Variants in KCNQ5 observed in about 807,000 individuals in gnomAD.
KCNQ5 encodes the protein potassium voltage-gated channel subfamily KQT member 5.
Under a neutral mutation model 98.2 loss-of-function variants are expected in KCNQ5, and 30 were observed. The ratio of observed to expected loss-of-function variants is 0.31; its 90% confidence interval spans 0.23 to 0.41. KCNQ5 has a LOEUF of 0.41. Among genes scored for constraint, KCNQ5 ranks in the 10% least tolerant of loss-of-function variants. The probability of loss-of-function intolerance (pLI) is 1.00; values close to 1 mark genes in which losing one functional copy is unlikely to be tolerated. For synonymous variants in KCNQ5, 458 were observed against 449.4 expected, an observed-to-expected ratio of 1.02 and a Z score of -0.24; for missense variants, 835 against 1,182.5, an observed-to-expected ratio of 0.71 and a Z score of 4.31.
At chr6:72,751,420 G>A (rs1393299029) in intron 1 of KCNQ5, among the ~76,000 whole-genome samples, 5 of 151,862 alleles carry the variant, frequency 3.3e-5, no homozygotes, top group African/African-American at 9.7e-5. Context: ...TTTAGATCAC[G>A]AGGGACCAAG....
At chr6:72,759,042 T>C (rs1399482745) in intron 1 of KCNQ5, among the ~76,000 whole-genome samples, 1 of 152,174 alleles carries the variant, frequency 6.6e-6, no homozygotes, top group East Asian at 1.9e-4. Context: ...TTTTGAGAAC[T>C]TTCTACTGGA....
chr6:73,193,328 C>T lies in KCNQ5; in HGVS notation c.1836+637C>T, dbSNP rs560256980. Among the ~76,000 whole-genome samples, 45 of 151,792 alleles carry T rather than the reference C, an allele frequency of 3.0e-4. 1 individual carries two copies. The South Asian group carries it at 8.8e-3, about 30-fold the overall frequency. ...AGCCATAGCACTCTGCAGGTCACTCCTTTTAAAAGTAAAACAAGGCCGGGT... is the reference window on the plus strand; with the variant it reads ...AGCCATAGCACTCTGCAGGTCACTCTTTTTAAAAGTAAAACAAGGCCGGGT... On this transcript the variant is annotated intron_variant, in intron 13 of 13. Transcript: ENST00000370398.
At chr6:72,894,175 A>T (rs1416916627) in intron 1 of KCNQ5, among the ~76,000 whole-genome samples, 2 of 152,184 alleles carry the variant, frequency 1.3e-5, no homozygotes, top group African/African-American at 4.8e-5. Context: ...ATTGACTCAA[A>T]TGAGTCAAAG....
At chr6:73,015,315 AC>A (rs1404864899) in intron 2 of KCNQ5, among the ~76,000 whole-genome samples, 1 of 152,040 alleles carries the variant, frequency 6.6e-6, no homozygotes, top group Non-Finnish European at 1.5e-5. Context: ...GAGACTAACG[AC>A]CCTCATCAAT....
At chr6:72,936,286 C>G (rs1765912880) in intron 1 of KCNQ5, among the ~76,000 whole-genome samples, 1 of 152,194 alleles carries the variant, frequency 6.6e-6, no homozygotes, top group African/African-American at 2.4e-5. Context: ...ATGTCACTAT[C>G]AGAAATTTTT....
At chr6:73,049,578 G>A (rs935515893) in intron 3 of KCNQ5, among the ~76,000 whole-genome samples, 5 of 152,076 alleles carry the variant, frequency 3.3e-5, no homozygotes, top group Non-Finnish European at 4.4e-5. Flanking sequence ...AGTATAATCC[G>A]TTTAATCTAC....
intron 3 of KCNQ5, among the ~76,000 whole-genome samples, chr6:73,063,709 TAGATAGATAGATGATA>T (rs1772912537): frequency 8.2e-5 from 10 of 122,052 alleles, no homozygotes; most frequent in Admixed American, 2.4e-4. Flanking sequence ...GATAGATAGA[TAGATAGATAGATGATA>T]GATAGATAGA....
At chr6:73,001,763 T>C (rs571591277) in intron 1 of KCNQ5, among the ~76,000 whole-genome samples, 6 of 152,202 alleles carry the variant, frequency 3.9e-5, no homozygotes, top group Non-Finnish European at 7.3e-5. Flanking sequence ...GTGCACTGGA[T>C]TTTGACCACT....
intron 3 of KCNQ5, among the ~76,000 whole-genome samples, chr6:73,066,512 A>G (rs1773065230): frequency 1.3e-5 from 2 of 152,252 alleles, no homozygotes; most frequent in African/African-American, 2.4e-5. Context: ...GAATGAACTA[A>G]TGAATGAATA....
intron 5 of KCNQ5, among the ~76,000 whole-genome samples, chr6:73,096,567 C>A (rs1293629941): frequency 6.6e-6 from 1 of 152,120 alleles, no homozygotes; most frequent in Admixed American, 6.5e-5. Flanking sequence ...ATTCCCTGGC[C>A]TAGCTTTAGC....
chr6:72,762,488 A>G (rs1278018498), intron 1 of KCNQ5, among the ~76,000 whole-genome samples: 1 of 152,126 alleles, frequency 6.6e-6, no homozygotes, highest in African/African-American at 2.4e-5. Flanking sequence ...AGAGTTAATT[A>G]TATGAGGTGG....
chr6:72,925,441 A>G (rs926373558), intron 1 of KCNQ5, among the ~76,000 whole-genome samples: 1 of 152,248 alleles, frequency 6.6e-6, no homozygotes, highest in African/African-American at 2.4e-5. Context: ...AGCCAACATC[A>G]TCAGAATAGA....
chr6:73,194,596 G>A lies in KCNQ5; in HGVS notation c.1981G>A (p.Val661Met), dbSNP rs1360988169. The A allele has an allele frequency of 1.2e-6, 2 of 1,614,186 alleles. No homozygotes were observed. Among genetic ancestry groups the A allele is most frequent in the South Asian group, 1.1e-5 (1 of 91,082 alleles). ...CEQTSDYQSP[V>M]DSKDLSGSAQ... ...ACAGACATCTGACTATCAAAGCCCT[G>A]TGGATAGCAAAGATCTTTCGGGTTC... Residue 661 changes from valine (V) to methionine (M), a missense_variant, in exon 14 of 14, where the codon GTG becomes ATG. Transcript: ENST00000370398.
intron 11 of KCNQ5, among the ~76,000 whole-genome samples, chr6:73,183,422 C>A (rs775479289): frequency 6.6e-6 from 1 of 152,194 alleles, no homozygotes; most frequent in Admixed American, 6.5e-5. Context: ...CCAAGCACAA[C>A]TCTTGGAGAC....
At chr6:72,720,057 C>T (rs1249400639) in intron 1 of KCNQ5, among the ~76,000 whole-genome samples, 2 of 152,238 alleles carry the variant, frequency 1.3e-5, no homozygotes, top group African/African-American at 4.8e-5. Context: ...ATCTGTTAGG[C>T]ATGCATGCAA....
At chr6:73,128,973 G>T (rs1776110492) in intron 9 of KCNQ5, among the ~76,000 whole-genome samples, 1 of 152,104 alleles carries the variant, frequency 6.6e-6, no homozygotes, top group African/African-American at 2.4e-5. Context: ...CTAGAACCCT[G>T]GTGGAAGACT....
chr6:73,183,490 C>T (rs1313032054), intron 11 of KCNQ5, among the ~76,000 whole-genome samples: 1 of 152,254 alleles, frequency 6.6e-6, no homozygotes, highest in Admixed American at 6.5e-5. Context: ...TTTGTATCCC[C>T]GCCATCCAGC....
chr6:72,889,233 C>A (rs948021652), intron 1 of KCNQ5, among the ~76,000 whole-genome samples: 2 of 152,128 alleles, frequency 1.3e-5, no homozygotes, highest in African/African-American at 4.8e-5. Flanking sequence ...AAGTTAAAGA[C>A]CCTGGAGTGT....
chr6:73,018,695 T>C (rs776750721), intron 2 of KCNQ5, among the ~76,000 whole-genome samples: 8 of 152,202 alleles, frequency 5.3e-5, no homozygotes, highest in South Asian at 4.2e-4. Context: ...TTAAATCAGG[T>C]GGAGAATGTG....
Sources: gnomAD v4.1 joint callset for allele counts (sites outside exome capture counted in the v4.1 genomes callset) on GRCh38, gnomAD v4.1.1 for gene constraint, MANE v1.5 for transcripts, NCBI Gene and HGNC (gene_info 2026-07-23, HGNC 2026-07-21) for gene names.